Variants in PHEX observed in about 807,000 individuals in gnomAD.
PHEX encodes phosphate-regulating neutral endopeptidase PHEX.
Under a neutral mutation model 68.0 loss-of-function variants are expected in PHEX, and 16 were observed. The ratio of observed to expected loss-of-function variants is 0.24; its 90% CI spans 0.16 to 0.36. The LOEUF is 0.36. PHEX is among the 10% of genes least tolerant of loss of function. The pLI is 1.00. For synonymous variants in PHEX, 208 were observed against 205.1 expected, an observed-to-expected ratio of 1.01 and a Z score of -0.12; for missense variants, 480 against 575.5, an observed-to-expected ratio of 0.83 and a Z score of 1.70.
chrX:22,118,054 A>G (rs764518338), intron 11 of PHEX, among the ~76,000 whole-genome samples: 5 of 111,711 alleles, frequency 4.5e-5, no homozygotes, highest in African/African-American at 6.5e-5. Context: ...GAAGGCTGCC[A>G]TTGTTTATTT....
chrX:22,165,439 A>G (rs1361433687), intron 12 of PHEX, among the ~76,000 whole-genome samples: 2 of 111,500 alleles, frequency 1.8e-5, no homozygotes, highest in East Asian at 5.7e-4. Context: ...TTTGTCCTGA[A>G]TTGAGGCAAG....
chrX:22,170,186 G>GA (rs1933475375), intron 13 of PHEX, among the ~76,000 whole-genome samples: 1 of 112,106 alleles, frequency 8.9e-6, no homozygotes, highest in Non-Finnish European at 1.9e-5. Context: ...CAAGAAAAGG[G>GA]AAAATAGATA....
rs751837244 is a variant in PHEX at position 22,178,289 on chromosome X, C to A, written c.1499C>A (p.Ala500Asp). ...EDLKAIKFSE[A>D]DYFGNVLQTR... The stretch of plus-strand genomic sequence containing the variant: ...TTTATTCAGATCAAGTTTTCAGAAG[C>A]CGACTACTTTGGCAACGTCCTACAA... The change falls in exon 14 of 22, where the codon GCC becomes GAC. Residue 500 changes from alanine (A) to aspartate (D), a missense_variant. By Grantham distance (126) the Ala-to-Asp change is moderately radical (BLOSUM62 -2). Transcript: ENST00000379374. 4.2e-6 allele frequency: 5 copies of A among 1,193,525 alleles called. 1 individual carries two copies. In the African/African-American group the frequency reaches 7.0e-5, roughly 17 times the overall value.
At chrX:22,181,125 G>C (rs1933869714) in intron 14 of PHEX, among the ~76,000 whole-genome samples, 1 of 111,706 alleles carries the variant, frequency 9.0e-6, no homozygotes, top group South Asian at 3.7e-4. Context: ...ACCCAGCAGT[G>C]GGATTGGTGG....
intron 20 of PHEX, among the ~76,000 whole-genome samples, chrX:22,234,633 C>CCCAGGTCAATCTCAGACTGCT (rs1434976524): frequency 9.1e-6 from 1 of 110,123 alleles, no homozygotes; most frequent in African/African-American, 3.3e-5. Context: ...GCTCAAGTGT[C>CCCAGGTCAATCTCAGACTGCT]CCAGGTCAAT....
intron 16 of PHEX, among the ~76,000 whole-genome samples, chrX:22,216,500 TTTATTTATTTA>T (rs1569430165): frequency 1.9e-4 from 16 of 83,608 alleles, no homozygotes; most frequent in African/African-American, 6.1e-4. Context: ...TGCTTATTTA[TTTATTTATTTA>T]TTTATTTATT....
At chrX:22,195,631 A>G (rs1219633523) in intron 15 of PHEX, among the ~76,000 whole-genome samples, 4 of 110,955 alleles carry the variant, frequency 3.6e-5, no homozygotes, top group Admixed American at 9.6e-5. Context: ...AATGTTCCAC[A>G]TTATAATATG....
At chrX:22,139,761 A>G (rs1298894049) in intron 12 of PHEX, among the ~76,000 whole-genome samples, 1 of 108,535 alleles carries the variant, frequency 9.2e-6, no homozygotes, top group Non-Finnish European at 1.9e-5. Flanking sequence ...GCTGGTCTCA[A>G]ACTCTTGGCC....
At chrX:22,046,197 T>C (rs1215905873) in intron 2 of PHEX, among the ~76,000 whole-genome samples, 1 of 112,014 alleles carries the variant, frequency 8.9e-6, no homozygotes, top group East Asian at 2.8e-4. Context: ...CCTCTTGTCC[T>C]CCAGGAGGCT....
chrX:22,184,890 A>G (rs749195577), intron 14 of PHEX, among the ~76,000 whole-genome samples: 1 of 112,581 alleles, frequency 8.9e-6, no homozygotes, highest in South Asian at 3.7e-4. Context: ...TATCTATAGC[A>G]TGGAATGTGA....
intron 3 of PHEX, among the ~76,000 whole-genome samples, chrX:22,051,924 C>T (rs1279778172): frequency 9.0e-6 from 1 of 111,405 alleles, no homozygotes; most frequent in Non-Finnish European, 1.9e-5. Context: ...TTTCAAATGT[C>T]AAATGTGCTA....
intron 1 of PHEX, among the ~76,000 whole-genome samples, chrX:22,036,934 A>G (rs1270911056): frequency 9.3e-6 from 1 of 107,492 alleles, no homozygotes. Flanking sequence ...CATCTCCACT[A>G]AAAAATACAA....
rs751120174 is a variant in PHEX at position 22,126,964 on chromosome X, C to T, written c.1303-6559C>T. Among the ~76,000 whole-genome samples, 5 of 104,059 alleles carry T rather than the reference C, an allele frequency of 4.8e-5. No homozygotes were observed. In the South Asian group the frequency reaches 1.4e-3, roughly 29 times the overall value. 90.4% of individuals were successfully genotyped at this position (104,059 alleles called of 115,157 possible). ...TCAGCTCACTGCACCCTCCACCTCC[C>T]GGGTTCAAGCGATTCTTGTGCCTCA... On this transcript the variant is annotated intron_variant, in intron 11 of 21. Transcript: ENST00000379374.
At chrX:22,129,430 A>G (rs2147081432) in intron 11 of PHEX, among the ~76,000 whole-genome samples, 1 of 111,828 alleles carries the variant, frequency 8.9e-6, no homozygotes, top group South Asian at 3.8e-4. Context: ...ATGTGCGAAG[A>G]AATATAATTT....
chrX:22,039,647 G>A (rs1216597961), intron 2 of PHEX, among the ~76,000 whole-genome samples: 1 of 112,305 alleles, frequency 8.9e-6, no homozygotes, highest in Non-Finnish European at 1.9e-5. Context: ...ACTATATGCG[G>A]GTTTAAGGAA....
chrX:22,242,637 GACAA>G (rs1308656428), intron 20 of PHEX, among the ~76,000 whole-genome samples: 2 of 111,474 alleles, frequency 1.8e-5, no homozygotes, highest in South Asian at 3.8e-4. Flanking sequence ...ACCAATAACA[GACAA>G]ACAGAGAGCC....
chrX:22,186,379 T>G (rs1215736399), intron 14 of PHEX, among the ~76,000 whole-genome samples: 1 of 112,387 alleles, frequency 8.9e-6, no homozygotes, highest in African/African-American at 3.2e-5. Flanking sequence ...TCACTAAGGC[T>G]AACCCATAAT....
intron 11 of PHEX, among the ~76,000 whole-genome samples, chrX:22,127,999 T>C (rs1254407859): frequency 8.9e-6 from 1 of 111,914 alleles, no homozygotes; most frequent in Non-Finnish European, 1.9e-5. Flanking sequence ...TTTTTGCCTC[T>C]TTTTATTTTC....
intron 12 of PHEX, among the ~76,000 whole-genome samples, chrX:22,167,973 A>G (rs1294754319): frequency 9.0e-6 from 1 of 111,400 alleles, no homozygotes; most frequent in Non-Finnish European, 1.9e-5. Context: ...AATCCTAACC[A>G]TTCTCTTAAG....
Sources: allele counts gnomAD v4.1 joint callset (sites outside exome capture counted in the v4.1 genomes callset), GRCh38; gene constraint gnomAD v4.1.1; transcripts MANE v1.5; gene names NCBI Gene and HGNC (gene_info 2026-07-23, HGNC 2026-07-21).